CC2D2B: variants seen among roughly 807,000 people sequenced by gnomAD.
CC2D2B encodes the protein protein CC2D2B.
In CC2D2B, 128 loss-of-function variants were observed where a neutral mutation model predicts 161.2. The ratio of observed to expected loss-of-function variants is 0.79; its 90% CI spans 0.69 to 0.92. The LOEUF is 0.92. Among genes scored for constraint, CC2D2B ranks in the 40% least tolerant of loss-of-function variants. The pLI, the probability that CC2D2B is intolerant of heterozygous loss-of-function variation, is 0.00. For synonymous variants in CC2D2B, 391 were observed against 449.8 expected, an observed-to-expected ratio of 0.87 and a Z score of 1.65; for missense variants, 1,173 against 1,375.1, an observed-to-expected ratio of 0.85 and a Z score of 2.32.
At chr10:95,962,948 T>C (rs1489008651) in intron 12 of CC2D2B, among the ~76,000 whole-genome samples, 6 of 152,108 alleles carry the variant, frequency 3.9e-5, no homozygotes, top group Admixed American at 2.6e-4. Context: ...ACAGATGTCG[T>C]AGGGTTACCC....
chr10:96,009,947 C>A, intron 26 of CC2D2B, 24 bp downstream of exon 26: 1 of 1,460,396 alleles, frequency 6.8e-7, no homozygotes, highest in Non-Finnish European at 9.6e-7. Context: ...CTTCTTTGCT[C>A]ATTCTAAGTT....
chr10:95,973,929 T>C (rs2077229572), intron 16 of CC2D2B, 80 bp from the exon 17 acceptor site: 3 of 729,826 alleles, frequency 4.1e-6, no homozygotes, highest in Admixed American at 4.4e-5. Context: ...GTTCCACAAG[T>C]AAAACTCAGG....
chr10:95,942,199 T>C lies in CC2D2B; in HGVS notation c.801+3274T>C, dbSNP rs147333317. ...AAATAGGGAGTTGCTGTTCAAAGGG[T>C]ATAGAATTTCAGTCATGCAAGATGA... is the stretch of plus-strand genomic sequence containing the variant. On this transcript the variant is annotated intron_variant, in intron 9 of 34. Transcript: ENST00000646931. Among the ~76,000 whole-genome samples, 395 of 152,170 alleles carry C rather than the reference T, an allele frequency of 2.6e-3. 1 individual carries two copies. Among genetic ancestry groups the C allele is most frequent in the African/African-American group, 9.1e-3 (376 of 41,538 alleles).
chr10:95,950,019 C>A lies in CC2D2B; in HGVS notation c.925C>A (p.Gln309Lys). Residue 309 changes from glutamine to lysine, a missense_variant, in exon 10 of 35, where the codon CAA (glutamine) becomes AAA (lysine). Physicochemically the swap from Gln to Lys is moderately conservative, Grantham distance 53 (BLOSUM62 1). This residue lies in a region of CC2D2B where 298 missense variants were observed against 261.2 expected (regional missense o/e 1.14). Transcript: ENST00000646931. ...CCATCATCATCTCTTCAATCAAGAGCAAGTATTATGCGCAAGGCTTCTCCA... is the reference window on the plus strand; with the variant it reads ...CCATCATCATCTCTTCAATCAAGAGAAAGTATTATGCGCAAGGCTTCTCCA... Reference protein sequence around the residue: ...FSHHHLFNQEQVLCARLLQLY... With the variant: ...FSHHHLFNQEKVLCARLLQLY... 2.5e-6 allele frequency: 1 copy of A among 398,806 alleles called. No homozygotes were observed. The highest frequency in any genetic ancestry group is 4.4e-6 in the Non-Finnish European group (1 of 225,928). 24.7% of individuals were successfully genotyped at this position (398,806 alleles called of 1,614,324 possible).
Position 95,961,985 on chromosome 10 carries a change from A to G in CC2D2B, c.1250+16A>G. The G allele has an allele frequency of 1.6e-6, 2 of 1,231,088 alleles. No individual in the cohort carries two copies. Among genetic ancestry groups the G allele is most frequent in the Non-Finnish European group, 2.0e-6 (2 of 987,176 alleles). The allele number at this position is 1,231,088 out of a possible 1,614,324, so 76.3% of individuals were successfully genotyped here. Reference sequence around the variant, plus strand: ...AGGTTCAGAGGTAAGTGGCTGCTCTATTTGCTCTTATTGGTCTCCTGAGGA... The same window carrying G: ...AGGTTCAGAGGTAAGTGGCTGCTCTGTTTGCTCTTATTGGTCTCCTGAGGA... On this transcript the variant is annotated intron_variant, in intron 12 of 34. Transcript: ENST00000646931.
intron 17 of CC2D2B, among the ~76,000 whole-genome samples, chr10:95,980,308 G>A (rs1204565134): frequency 6.6e-6 from 1 of 152,186 alleles, no homozygotes. Context: ...ACGTGTATAG[G>A]AGCAGCTGGG....
At position 96,012,365 on chromosome 10, in the gene CC2D2B, A is replaced by G. The variant is rs1219795245; in HGVS notation, c.3226A>G (p.Lys1076Glu). Residue 1076 changes from lysine (K) to glutamate (E), a missense_variant and splice_region_variant, in exon 27 of 35, where the codon AAG (lysine) becomes GAG (glutamate). By Grantham distance (56) the Lys-to-Glu change is moderately conservative (BLOSUM62 1). Transcript: ENST00000646931. ...SYVTCNPTLD[K>E]FLDQTEVLQR... ...TGTCACCTGTAATCCAACACTAGAT[A>G]AGGTAGGTTTTACATTGAATTTCTT... is the stretch of plus-strand genomic sequence containing the variant. The G allele has an allele frequency of 1.0e-5, 7 of 682,042 alleles. No individual in the cohort carries two copies. The highest frequency in any genetic ancestry group is 1.9e-5 in the Non-Finnish European group (7 of 375,600). 42.2% of individuals were successfully genotyped at this position (682,042 alleles called of 1,614,324 possible). A position where few individuals can be genotyped will look rare whatever the true frequency, so the allele number is the denominator to read the frequency against.
At position 95,968,745 on chromosome 10, in the gene CC2D2B, CA is replaced by C. The variant is rs762847348; in HGVS notation, c.1492del (p.Ile498PhefsTer41). ...CSLHEQKRRA[K>X]IQKLKYFIKI... ...TTAGGCATGAACAAAAAAGAAGAGC[CA>C]AAATTCAGAAGCTCAAATACTTTAT... On this transcript the variant is annotated frameshift_variant, in exon 15 of 35. Coordinates refer to ENST00000646931, the MANE Select transcript of CC2D2B (RefSeq NM_001349008.3). LOFTEE classifies it high-confidence loss of function. 2 of 1,213,578 alleles carry C rather than the reference CA, an allele frequency of 1.6e-6. No individual in the cohort carries two copies. The highest frequency in any genetic ancestry group is 3.1e-5 in the African/African-American group (2 of 63,980). 75.2% of individuals were successfully genotyped at this position (1,213,578 alleles called of 1,614,324 possible). A position where few individuals can be genotyped will look rare whatever the true frequency, so the allele number is the denominator to read the frequency against.
intron 18 of CC2D2B, 42 bp from the exon 19 acceptor site, chr10:95,983,563 TA>T (rs974764473): frequency 5.1e-5 from 51 of 991,758 alleles, no homozygotes; most frequent in South Asian, 3.6e-4. Flanking sequence ...ATTCCTGAAT[TA>T]AAAAAAATTA....
chr10:95,985,003 C>T (rs1293747459), intron 19 of CC2D2B, among the ~76,000 whole-genome samples: 1 of 152,036 alleles, frequency 6.6e-6, no homozygotes, highest in South Asian at 2.1e-4. Context: ...TAAAAACCCA[C>T]TAAAAATGTA....
At chr10:95,943,146 C>T (rs2076079611) in intron 9 of CC2D2B, among the ~76,000 whole-genome samples, 1 of 152,164 alleles carries the variant, frequency 6.6e-6, no homozygotes, top group African/African-American at 2.4e-5. Context: ...CTCCTTCGGT[C>T]CTTAACCTGA....
intron 5 of CC2D2B, among the ~76,000 whole-genome samples, chr10:95,926,838 G>GTGTGTGTGTGTGTGTA (rs2098539719): frequency 7.3e-6 from 1 of 137,412 alleles, no homozygotes; most frequent in African/African-American, 2.6e-5. Flanking sequence ...GTGTGTGTGT[G>GTGTGTGTGTGTGTGTA]TGTGTGTGTC....
chr10:95,929,569 TG>T (rs1478738427), intron 6 of CC2D2B, among the ~76,000 whole-genome samples: 1 of 152,220 alleles, frequency 6.6e-6, no homozygotes, highest in Non-Finnish European at 1.5e-5. Flanking sequence ...AGTTAATTTT[TG>T]TATAAGGTGT....
At chr10:96,028,261 C>T (rs996527921) in intron 34 of CC2D2B, among the ~76,000 whole-genome samples, 1 of 151,890 alleles carries the variant, frequency 6.6e-6, no homozygotes, top group Non-Finnish European at 1.5e-5. Flanking sequence ...ATATAAGGGG[C>T]CCAAACAACT....
Position 96,012,584 on chromosome 10 carries a change from G to A in CC2D2B, c.3281G>A (p.Cys1094Tyr). ...LQRAQIFKKN[C>Y]KAMFPNRRIV... is the part of the protein sequence containing the mutation. ...AGAGCACAGATTTTTAAAAAGAATT[G>A]TAAGGCAATGTTTCCCAACCGAAGA... Residue 1094 changes from cysteine (C) to tyrosine (Y), a missense_variant, in exon 28 of 35, where the codon TGT becomes TAT. Cys to Tyr is a radical substitution (Grantham distance 194). Transcript: ENST00000646931. 6.2e-7 allele frequency: 1 copy of A among 1,613,330 alleles called. No homozygotes were observed. The highest frequency in any genetic ancestry group is 8.5e-7 in the Non-Finnish European group (1 of 1,179,398).
intron 33 of CC2D2B, 113 bp from the exon 34 acceptor site, chr10:96,027,099 G>A: frequency 1.4e-6 from 1 of 737,046 alleles, no homozygotes; most frequent in Non-Finnish European, 2.1e-6. Flanking sequence ...CTCCAGCCTG[G>A]GGGACAAGAG....
rs986301785 is a variant in CC2D2B, at chr10:96,027,192, C to T, written c.3948-20C>T. 1.4e-6 allele frequency: 2 copies of T among 1,470,238 alleles called. No individual in the cohort carries two copies. Among genetic ancestry groups the T allele is most frequent in the Admixed American group, 2.6e-5 (1 of 38,054 alleles). 91.1% of individuals were successfully genotyped at this position (1,470,238 alleles called of 1,614,324 possible). A position where few individuals can be genotyped will look rare whatever the true frequency, so the allele number is the denominator to read the frequency against. On this transcript the variant is annotated intron_variant, in intron 33 of 34. Transcript: ENST00000646931. The stretch of plus-strand genomic sequence containing the variant: ...TGAGTTATAACTTGTCATAAAATTA[C>T]CTTTGGATTCTTACCTTAGGATCGA...
chr10:95,957,327 A>G (rs189276884), intron 11 of CC2D2B, among the ~76,000 whole-genome samples: 32 of 152,254 alleles, frequency 2.1e-4, no homozygotes, highest in Middle Eastern at 3.4e-3. Flanking sequence ...AGTGACTTCC[A>G]GAGGATTTAA....
At chr10:95,982,217 C>T (rs2077554200) in intron 18 of CC2D2B, 104 bp downstream of exon 18, 5 of 767,518 alleles carry the variant, frequency 6.5e-6, no homozygotes, top group African/African-American at 1.8e-5. Context: ...TTTCTAGGCT[C>T]TTGGGGTTAT....
Sources: allele counts gnomAD v4.1 joint callset (sites outside exome capture counted in the v4.1 genomes callset), GRCh38; gene constraint gnomAD v4.1.1; regional missense constraint gnomAD v4.1.1; transcripts MANE v1.5; gene names NCBI Gene and HGNC (gene_info 2026-07-23, HGNC 2026-07-21).